CDK19: variants seen among roughly 807,000 people sequenced by gnomAD.
The protein encoded by CDK19 is cyclin dependent kinase 19.
In CDK19, 20 loss-of-function variants were observed where a neutral mutation model predicts 68.3. The observed-to-expected ratio is 0.29, with a 90% CI of 0.21 to 0.43. The LOEUF is 0.43. Among genes scored for constraint, CDK19 ranks in the 20% least tolerant of loss-of-function variants. The pLI is 1.00. For synonymous variants in CDK19, 221 were observed against 222.8 expected (o/e 0.99, Z 0.07); for missense variants, 339 against 623.5 (o/e 0.54, Z 4.86).
At position 110,758,934 on chromosome 6, in the gene CDK19, A is replaced by T. The variant is rs958525020; in HGVS notation, c.129-12733T>A. ...TTTAAGTCTTCATGAAATCATCTCAAATATAAATATCAATGAAAAATAAAT... is the reference window on the plus strand; with the variant it reads ...TTTAAGTCTTCATGAAATCATCTCATATATAAATATCAATGAAAAATAAAT... On this transcript the variant is annotated intron_variant, in intron 1 of 12. Transcript: ENST00000368911. Among the ~76,000 whole-genome samples the T allele has an allele frequency of 2.8e-4, 42 of 151,970 alleles. 1 individual carries two copies. The highest frequency in any genetic ancestry group is 2.8e-3 in the Admixed American group (42 of 15,254).
intron 1 of CDK19, among the ~76,000 whole-genome samples, chr6:110,803,363 G>C (rs996071065): frequency 2.0e-5 from 3 of 152,206 alleles, no homozygotes; most frequent in Non-Finnish European, 4.4e-5. Flanking sequence ...ACAGGCGTGA[G>C]CCACCGCGTC....
At chr6:110,620,812 C>T (rs1047283521) in intron 12 of CDK19, among the ~76,000 whole-genome samples, 3 of 152,174 alleles carry the variant, frequency 2.0e-5, no homozygotes, top group African/African-American at 4.8e-5. Context: ...TTTTCTGATA[C>T]ACCAGAACTG....
At chr6:110,812,178 T>C (rs1381108891) in intron 1 of CDK19, among the ~76,000 whole-genome samples, 3 of 152,040 alleles carry the variant, frequency 2.0e-5, no homozygotes, top group East Asian at 3.9e-4. Flanking sequence ...TGGAGTGCAG[T>C]GGCGGGATCT....
intron 2 of CDK19, among the ~76,000 whole-genome samples, chr6:110,682,850 C>A (rs1035020523): frequency 2.0e-5 from 3 of 152,018 alleles, no homozygotes; most frequent in African/African-American, 7.2e-5. Flanking sequence ...ACAGTTTCCA[C>A]AAAGAATAAA....
chr6:110,631,667 C>T (rs1172457674), intron 6 of CDK19, among the ~76,000 whole-genome samples: 1 of 152,174 alleles, frequency 6.6e-6, no homozygotes, highest in East Asian at 1.9e-4. Context: ...TCCAATACTG[C>T]ACTACTCCTG....
At chr6:110,743,928 T>C (rs1777868945) in intron 2 of CDK19, among the ~76,000 whole-genome samples, 1 of 151,374 alleles carries the variant, frequency 6.6e-6, no homozygotes, top group Non-Finnish European at 1.5e-5. Flanking sequence ...TATTGGTTGA[T>C]ATAATAACAT....
chr6:110,689,230 C>T (rs1319215710), intron 2 of CDK19, among the ~76,000 whole-genome samples: 1 of 152,092 alleles, frequency 6.6e-6, no homozygotes, highest in African/African-American at 2.4e-5. Flanking sequence ...CCTCCTGACT[C>T]CCACAGAGGC....
At position 110,612,110 on chromosome 6, in the gene CDK19, TATAAAGTATTAAGG is replaced by T. The variant is rs1261464651; in HGVS notation, c.*2411_*2424del. On this transcript the variant is annotated 3_prime_UTR_variant, in exon 13 of 13. Coordinates refer to ENST00000368911, the MANE Select transcript of CDK19 (RefSeq NM_015076.5). ...GTAAGAACTATTTAACAATGCTGCTTATAAAGTATTAAGGGGCATAGTATTTTGGTTTACATATC... is the reference window on the plus strand; with the variant it reads ...GTAAGAACTATTTAACAATGCTGCTTGGCATAGTATTTTGGTTTACATATC... 20 of 152,260 alleles carry T rather than the reference TATAAAGTATTAAGG, an allele frequency of 1.3e-4. No individual in the cohort carries two copies. The highest frequency in any genetic ancestry group is 2.6e-4 in the Non-Finnish European group (18 of 68,046). 9.4% of individuals were successfully genotyped at this position (152,260 alleles called of 1,614,324 possible).
chr6:110,618,027 C>T (rs1210900135), intron 12 of CDK19, among the ~76,000 whole-genome samples: 1 of 152,078 alleles, frequency 6.6e-6, no homozygotes, highest in Non-Finnish European at 1.5e-5. Flanking sequence ...GGTGGCACCA[C>T]AGTTCCAAGA....
At chr6:110,786,051 T>C (rs766262452) in intron 1 of CDK19, among the ~76,000 whole-genome samples, 1 of 152,194 alleles carries the variant, frequency 6.6e-6, no homozygotes, top group South Asian at 2.1e-4. Context: ...TGCTTTTTCA[T>C]TTCTCTAGCA....
rs146358944 is a variant in CDK19 at position 110,797,335 on chromosome 6, G to C, written c.128+17674C>G. On this transcript the variant is annotated intron_variant, in intron 1 of 12. Coordinates refer to ENST00000368911, the MANE Select transcript of CDK19 (RefSeq NM_015076.5). ...AGCCTAGGCGACAGAGGGAGACTTC[G>C]TCTCAAAAAAAAAAGAAAAAAAAGG... Among the ~76,000 whole-genome samples the C allele has an allele frequency of 8.6e-4, 130 of 151,082 alleles. 2 individuals are homozygous for C. The East Asian group carries it at 0.024, about 28-fold the overall frequency.
intron 1 of CDK19, among the ~76,000 whole-genome samples, chr6:110,768,744 G>A (rs1175676388): frequency 6.6e-6 from 1 of 152,188 alleles, no homozygotes; most frequent in Non-Finnish European, 1.5e-5. Context: ...ATGAAAAGGT[G>A]TAGCACAGGT....
At chr6:110,731,992 A>T (rs1046269088) in intron 2 of CDK19, among the ~76,000 whole-genome samples, 1 of 152,140 alleles carries the variant, frequency 6.6e-6, no homozygotes, top group Non-Finnish European at 1.5e-5. Flanking sequence ...CTATTATATA[A>T]TCTTCTATAT....
At chr6:110,726,510 T>C (rs1183783804) in intron 2 of CDK19, among the ~76,000 whole-genome samples, 1 of 152,196 alleles carries the variant, frequency 6.6e-6, no homozygotes, top group African/African-American at 2.4e-5. Context: ...AAAGGTTCCA[T>C]TTAGAAAATG....
At chr6:110,670,295 T>C (rs1388156771) in intron 3 of CDK19, 136 bp downstream of exon 3, 1 of 490,728 alleles carries the variant, frequency 2.0e-6, no homozygotes, top group African/African-American at 2.0e-5. Context: ...AAAATCAACA[T>C]TTATGTTTAT....
chr6:110,760,297 T>A (rs1583039809), intron 1 of CDK19, among the ~76,000 whole-genome samples: 1 of 143,856 alleles, frequency 7.0e-6, no homozygotes, highest in East Asian at 2.0e-4. Context: ...CTCAGGAGGC[T>A]GAGGCACAAG....
Position 110,723,151 on chromosome 6 carries a change from C to CAA in CDK19, c.204+22973_204+22974dup, listed in dbSNP as rs34599467. On this transcript the variant is annotated intron_variant, in intron 2 of 12. Coordinates refer to ENST00000368911, the MANE Select transcript of CDK19 (RefSeq NM_015076.5). ...AGGCTTTGTCAAAAAAAACAAAAAA[C>CAA]AAAAAAAAAAACGCAGATTTGTCCT... Among the ~76,000 whole-genome samples, 430 of 132,184 alleles carry CAA rather than the reference C, an allele frequency of 3.3e-3. 5 individuals carry two copies. Among genetic ancestry groups the CAA allele is most frequent in the South Asian group, 0.019 (78 of 4,164 alleles). 86.7% of individuals were successfully genotyped at this position (132,184 alleles called of 152,430 possible). A position where few individuals can be genotyped will look rare whatever the true frequency, so the allele number is the denominator to read the frequency against.
At chr6:110,813,617 T>C (rs1008365652) in intron 1 of CDK19, 1 of 146,140 alleles carries the variant, frequency 6.8e-6, no homozygotes, top group Non-Finnish European at 1.5e-5. Context: ...GCCTGTTCAG[T>C]TACAAAAGAA....
intron 1 of CDK19, among the ~76,000 whole-genome samples, chr6:110,750,605 TAGAA>T (rs1778412538): frequency 6.6e-6 from 1 of 152,156 alleles, no homozygotes; most frequent in Non-Finnish European, 1.5e-5. Flanking sequence ...TTCCTTTACA[TAGAA>T]AGAAACCCCA....
Sources: gnomAD v4.1 joint callset for allele counts (sites outside exome capture counted in the v4.1 genomes callset) on GRCh38, gnomAD v4.1.1 for gene constraint, MANE v1.5 for transcripts, NCBI Gene and HGNC (gene_info 2026-07-23, HGNC 2026-07-21) for gene names.